The following PCDHA8 variants were observed in gnomAD, a reference collection of about 807,000 sequenced individuals.
PCDHA8 encodes the protein protocadherin alpha-8.
PCDHA8 carries 53 observed loss-of-function variants against 61.8 expected under a neutral mutation model. The observed-to-expected ratio is 0.86, with a 90% CI of 0.69 to 1.08. The LOEUF (loss-of-function observed/expected upper bound fraction) is 1.08. PCDHA8 is among the 50% of genes least tolerant of loss of function. PCDHA8 has a pLI of 0.00. For missense variants in PCDHA8, 1,293 were observed against 1,245.0 expected (o/e 1.04, Z -0.58); for synonymous variants, 618 against 556.6 (o/e 1.11, Z -1.55).
intron 1 of PCDHA8, chr5:140,847,464 C>A (rs2150400845): frequency 6.7e-6 from 1 of 149,754 alleles, no homozygotes; most frequent in Non-Finnish European, 1.5e-5. Context: ...AATTAATCGA[C>A]TTGGACGTTG....
chr5:140,894,113 G>C (rs1239376474), intron 1 of PCDHA8, among the ~76,000 whole-genome samples: 1 of 152,072 alleles, frequency 6.6e-6, no homozygotes, highest in Non-Finnish European at 1.5e-5. Context: ...TTGCAGATGA[G>C]AAGTTTCAAA....
At chr5:141,006,007 T>C (rs1554260471) in intron 3 of PCDHA8, among the ~76,000 whole-genome samples, 1 of 151,298 alleles carries the variant, frequency 6.6e-6, no homozygotes, top group African/African-American at 2.4e-5. Flanking sequence ...AGAAGGCCTG[T>C]ATGGTTGGAG....
At chr5:140,870,279 T>C (rs1047130885) in intron 1 of PCDHA8, 3 of 1,614,120 alleles carry the variant, frequency 1.9e-6, no homozygotes, top group Non-Finnish European at 2.5e-6. Context: ...CGCCCCACGT[T>C]CCCTTCAAGC....
At chr5:140,870,318 G>T in intron 1 of PCDHA8, 1 of 1,614,178 alleles carries the variant, frequency 6.2e-7, no homozygotes, top group Non-Finnish European at 8.5e-7. Context: ...ATTACTACTC[G>T]TTGGTGCTGG....
chr5:140,846,510 G>A (rs1179802495), intron 1 of PCDHA8, among the ~76,000 whole-genome samples: 11 of 147,866 alleles, frequency 7.4e-5, no homozygotes, highest in African/African-American at 2.7e-4. Flanking sequence ...AAGTAGCTGG[G>A]ATTACAGGTG....
intron 1 of PCDHA8, among the ~76,000 whole-genome samples, chr5:140,893,566 C>T (rs1283289530): frequency 6.6e-6 from 1 of 152,156 alleles, no homozygotes; most frequent in African/African-American, 2.4e-5. Flanking sequence ...AGTGTACTTC[C>T]TCAGTTTTTG....
rs1486042569 is a variant in PCDHA8 at position 140,880,105 on chromosome 5, A to G, written c.2394+36390A>G. On this transcript the variant is annotated intron_variant, in intron 1 of 3. Coordinates refer to ENST00000531613, the MANE Select transcript of PCDHA8 (RefSeq NM_018911.3). ...ATTATAGTAGGCTTAAAATCATAGAAGGATAGACAACAGGAAGCTGAAATA... is the reference window on the plus strand; with the variant it reads ...ATTATAGTAGGCTTAAAATCATAGAGGGATAGACAACAGGAAGCTGAAATA... 1.8e-4 allele frequency among the ~76,000 whole-genome samples: 28 copies of G among 152,256 alleles called. 1 individual carries two copies. Among genetic ancestry groups the G allele is most frequent in the Admixed American group, 1.8e-3 (28 of 15,292 alleles).
intron 1 of PCDHA8, among the ~76,000 whole-genome samples, chr5:140,936,138 C>G (rs1396548448): frequency 6.6e-6 from 1 of 152,074 alleles, no homozygotes; most frequent in African/African-American, 2.4e-5. Context: ...AGTGATCTGC[C>G]CGCCTTGGCC....
chr5:140,943,094 TA>T lies in PCDHA8; in HGVS notation c.2395-35849del, dbSNP rs546939375. Among the ~76,000 whole-genome samples, 19 of 151,404 alleles carry T rather than the reference TA, an allele frequency of 1.3e-4. No individual in the cohort carries two copies. In the East Asian group the frequency reaches 3.7e-3, roughly 29 times the overall value. On this transcript the variant is annotated intron_variant, in intron 1 of 3. Coordinates refer to ENST00000531613, the MANE Select transcript of PCDHA8 (RefSeq NM_018911.3). ...CAACATGGTGAAATCCTGCCTCTAC[TA>T]AAAAATACAAAAATTAGCCAGGTGT... is the stretch of plus-strand genomic sequence containing the variant.
chr5:140,876,148 G>A, intron 1 of PCDHA8: 1 of 1,613,954 alleles, frequency 6.2e-7, no homozygotes, highest in East Asian at 2.2e-5. Context: ...AACAGGGTCT[G>A]TCCAGATTCA....
At chr5:140,935,234 T>C (rs1160112983) in intron 1 of PCDHA8, among the ~76,000 whole-genome samples, 8 of 152,190 alleles carry the variant, frequency 5.3e-5, no homozygotes, top group Non-Finnish European at 1.2e-4. Context: ...GGATGTCTAT[T>C]TTTTAAAAGA....
intron 1 of PCDHA8, chr5:140,852,757 G>T (rs1243910073): frequency 9.2e-6 from 9 of 983,578 alleles, no homozygotes; most frequent in Admixed American, 1.3e-4. Context: ...TTGGACCCAG[G>T]TATCTGATTA....
chr5:141,009,601 A>T (rs1223112014), intron 3 of PCDHA8, 26 bp from the exon 4 acceptor site: 6 of 1,607,482 alleles, frequency 3.7e-6, no homozygotes, highest in Non-Finnish European at 5.1e-6. Flanking sequence ...GACCCTGTTA[A>T]TGATTTGTAA....
chr5:140,937,322 C>T (rs2091472402), intron 1 of PCDHA8, among the ~76,000 whole-genome samples: 1 of 152,084 alleles, frequency 6.6e-6, no homozygotes, highest in Non-Finnish European at 1.5e-5. Context: ...CAGGCGTGAG[C>T]CACCGCGCCC....
chr5:140,927,894 C>T (rs372774238), intron 1 of PCDHA8: 2 of 1,614,208 alleles, frequency 1.2e-6, no homozygotes, highest in South Asian at 2.2e-5. Context: ...CTGACGTGAA[C>T]GATCATGCCC....
intron 1 of PCDHA8, chr5:140,882,426 G>A (rs148335988): frequency 6.1e-5 from 99 of 1,613,954 alleles, no homozygotes; most frequent in Non-Finnish European, 7.9e-5. Context: ...CAGGACCTGG[G>A]GCTGGAGCTG....
chr5:140,927,322 A>T (rs782465180), intron 1 of PCDHA8: 1 of 1,613,780 alleles, frequency 6.2e-7, no homozygotes, highest in Non-Finnish European at 8.5e-7. Flanking sequence ...AGCCCGCTTT[A>T]CTCTCCCGAA....
At position 140,853,244 on chromosome 5, in the gene PCDHA8, T is replaced by C. The variant is rs954151249; in HGVS notation, c.2394+9529T>C. ...TTGGTAATTTAGTCCTTCATATTAATCTCTATTCTCTCTCAGAGTACAAGC... is the reference window on the plus strand; with the variant it reads ...TTGGTAATTTAGTCCTTCATATTAACCTCTATTCTCTCTCAGAGTACAAGC... On this transcript the variant is annotated intron_variant, in intron 1 of 3. Transcript: ENST00000531613. 6.8e-5 allele frequency: 66 copies of C among 975,168 alleles called. 5 individuals carry two copies. Among genetic ancestry groups the C allele is most frequent in the Non-Finnish European group, 7.9e-5 (64 of 808,328 alleles). 60.4% of individuals were successfully genotyped at this position (975,168 alleles called of 1,614,324 possible).
chr5:140,842,733 G>T lies in PCDHA8; in HGVS notation c.1412G>T (p.Gly471Val). The change falls in exon 1 of 4, where the codon GGC becomes GTC. Residue 471 changes from glycine (G) to valine (V), a missense_variant. Coordinates refer to ENST00000531613, the MANE Select transcript of PCDHA8 (RefSeq NM_018911.3). ...TTCGTGAAGGAGAACAACCCGCCGGGCTGCCACATCTTCACGGTGTCTGCG... is the reference window on the plus strand; with the variant it reads ...TTCGTGAAGGAGAACAACCCGCCGGTCTGCCACATCTTCACGGTGTCTGCG... ...TVFVKENNPPGCHIFTVSARD... is the reference protein window; with the variant it reads ...TVFVKENNPPVCHIFTVSARD... The T allele has an allele frequency of 6.3e-7, 1 of 1,595,054 alleles. No individual in the cohort carries two copies. Among genetic ancestry groups the T allele is most frequent in the Middle Eastern group, 1.8e-4 (1 of 5,424 alleles).
Sources: gnomAD v4.1 joint callset for allele counts (sites outside exome capture counted in the v4.1 genomes callset) on GRCh38, gnomAD v4.1.1 for gene constraint, MANE v1.5 for transcripts, NCBI Gene and HGNC (gene_info 2026-07-23, HGNC 2026-07-21) for gene names.